Variants in SCARB1 observed in about 807,000 individuals in gnomAD.
SCARB1 encodes the protein CD36 and LIMPII analogous 1.
Under a neutral mutation model 57.2 loss-of-function variants are expected in SCARB1, and 30 were observed. The ratio of observed to expected loss-of-function variants is 0.52; its 90% CI spans 0.39 to 0.71. The LOEUF (loss-of-function observed/expected upper bound fraction) is 0.71, where lower values mean the gene tolerates loss of function less well. SCARB1 is among the 30% of genes least tolerant of loss of function. The pLI is 0.00. For missense variants in SCARB1, 543 were observed against 671.2 expected (o/e 0.81, Z 2.11); for synonymous variants, 249 against 268.3 (o/e 0.93, Z 0.70).
At position 124,796,460 on chromosome 12, in the gene SCARB1, A is replaced by G. The variant is rs1255578666; in HGVS notation, c.1129-1192T>C. 6.6e-6 allele frequency among the ~76,000 whole-genome samples: 1 copy of G among 152,130 alleles called. No individual in the cohort carries two copies. Among genetic ancestry groups the G allele is most frequent in the East Asian group, 1.9e-4 (1 of 5,196 alleles). ...CACATGTGTCATCAAAAACAACAGG[A>G]AGGTGGTTCCAGAATGAAGTCAGGA... On this transcript the variant is annotated intron_variant, in intron 8 of 12. Coordinates refer to ENST00000261693, the MANE Select transcript of SCARB1 (RefSeq NM_005505.5). The surrounding 1 kb of genome is among the most constrained non-coding windows in gnomAD (Gnocchi z 4.0).
intron 1 of SCARB1, among the ~76,000 whole-genome samples, chr12:124,848,018 C>G (rs1457155740): frequency 6.6e-6 from 1 of 152,162 alleles, no homozygotes; most frequent in East Asian, 1.9e-4. Flanking sequence ...GGCTGGAGAA[C>G]AGGTCTGGAT....
intron 1 of SCARB1, among the ~76,000 whole-genome samples, chr12:124,834,804 A>G (rs899705078): frequency 6.6e-6 from 1 of 152,130 alleles, no homozygotes. Flanking sequence ...GCTACTTGGG[A>G]GGCTGAGGCA....
chr12:124,863,393 T>C (rs1465651068), intron 1 of SCARB1, among the ~76,000 whole-genome samples: 1 of 151,918 alleles, frequency 6.6e-6, no homozygotes, highest in Non-Finnish European at 1.5e-5. Context: ...CCCCCTAGCC[T>C]CAGTCTGGGG....
chr12:124,839,238 A>G (rs1453065255), intron 1 of SCARB1: 2 of 456,036 alleles, frequency 4.4e-6, no homozygotes, highest in Non-Finnish European at 8.8e-6. Flanking sequence ...AGCCCCTGGC[A>G]CCCACCATTC....
chr12:124,798,847 A>G (rs935962617), intron 8 of SCARB1, among the ~76,000 whole-genome samples: 3 of 132,264 alleles, frequency 2.3e-5, no homozygotes, highest in Non-Finnish European at 3.0e-5. Flanking sequence ...TCCATCTCAG[A>G]AAAAAAAAAG....
At chr12:124,804,840 C>A (rs1029264822) in intron 7 of SCARB1, among the ~76,000 whole-genome samples, 2 of 152,242 alleles carry the variant, frequency 1.3e-5, no homozygotes, top group African/African-American at 4.8e-5. Context: ...GAAGGCAAGA[C>A]ACAGTCAAAT....
At chr12:124,836,404 A>T (rs79161153) in intron 1 of SCARB1, among the ~76,000 whole-genome samples, 1,644 of 152,348 alleles carry the variant, frequency 0.011, 27 homozygotes, top group African/African-American at 0.038. Context: ...GAAGCACAAC[A>T]GTAAACATCT....
At chr12:124,804,785 G>A (rs940207075) in intron 7 of SCARB1, among the ~76,000 whole-genome samples, 3 of 152,154 alleles carry the variant, frequency 2.0e-5, no homozygotes, top group African/African-American at 4.8e-5. Flanking sequence ...CTTTAGAGTC[G>A]CCATTGCCAG....
chr12:124,816,731 C>T (rs1950732643), intron 2 of SCARB1, among the ~76,000 whole-genome samples: 1 of 152,044 alleles, frequency 6.6e-6, no homozygotes, highest in African/African-American at 2.4e-5. Flanking sequence ...TTGTAACAGG[C>T]ACATCCGCCA....
At chr12:124,792,950 C>T (rs1055388257) in intron 9 of SCARB1, among the ~76,000 whole-genome samples, 28 of 152,018 alleles carry the variant, frequency 1.8e-4, no homozygotes, top group Admixed American at 2.6e-4. Context: ...GCCCCAGTTG[C>T]ATCCCAGTTA....
intron 1 of SCARB1, among the ~76,000 whole-genome samples, chr12:124,824,002 TA>T (rs111551453): frequency 4.1e-5 from 6 of 147,046 alleles, no homozygotes; most frequent in African/African-American, 1.0e-4. Flanking sequence ...CCGCCTCTAT[TA>T]AAAAAAAAAT....
intron 9 of SCARB1, among the ~76,000 whole-genome samples, chr12:124,793,422 C>T (rs949221438): frequency 2.7e-3 from 1 of 376 alleles, no homozygotes; most frequent in Non-Finnish European, 6.3e-3. Context: ...GGGCCGGGCG[C>T]GGTGCTCACG....
chr12:124,803,630 G>A (rs1415156888), intron 7 of SCARB1, among the ~76,000 whole-genome samples: 1 of 124,644 alleles, frequency 8.0e-6, no homozygotes, highest in African/African-American at 3.0e-5. Context: ...TTGTATCTAT[G>A]TATATTTTAT....
chr12:124,829,008 A>C (rs1951279623), intron 1 of SCARB1, among the ~76,000 whole-genome samples: 1 of 152,234 alleles, frequency 6.6e-6, no homozygotes. Flanking sequence ...AGATGCAGGA[A>C]CAACTACGAC....
At chr12:124,787,359 T>C (rs374328796) in intron 10 of SCARB1, 47 bp downstream of exon 10, 38 of 1,587,486 alleles carry the variant, frequency 2.4e-5, no homozygotes, top group African/African-American at 5.4e-5. Flanking sequence ...AATGCCCACA[T>C]TGGCTCTTAA....
chr12:124,781,552 G>A (rs1873471600), intron 12 of SCARB1, among the ~76,000 whole-genome samples: 1 of 152,130 alleles, frequency 6.6e-6, no homozygotes, highest in Non-Finnish European at 1.5e-5. Context: ...CAGGAACCTG[G>A]CCAAGGAAAC....
chr12:124,813,949 C>T (rs1271250313), intron 4 of SCARB1, among the ~76,000 whole-genome samples: 1 of 152,200 alleles, frequency 6.6e-6, no homozygotes, highest in Non-Finnish European at 1.5e-5. Flanking sequence ...ATTTGCTAAG[C>T]TAAGGCCCAG....
chr12:124,794,400 C>CTTTTTCT (rs1949856466), intron 9 of SCARB1, among the ~76,000 whole-genome samples: 1 of 119,912 alleles, frequency 8.3e-6, no homozygotes, highest in Admixed American at 9.3e-5. Flanking sequence ...TTGAAAAATT[C>CTTTTTCT]TTTTTTTTTT....
intron 1 of SCARB1, among the ~76,000 whole-genome samples, chr12:124,840,465 C>G (rs1951865206): frequency 6.6e-6 from 1 of 152,180 alleles, no homozygotes; most frequent in Admixed American, 6.5e-5. Flanking sequence ...CGTGAGCCAC[C>G]GCGCCTGGCT....
Sources: gnomAD v4.1 joint callset for allele counts (sites outside exome capture counted in the v4.1 genomes callset) on GRCh38, gnomAD v4.1.1 for gene constraint, Gnocchi (gnomAD v3.1) non-coding constraint, MANE v1.5 for transcripts, NCBI Gene and HGNC (gene_info 2026-07-23, HGNC 2026-07-21) for gene names.